Variants in SDC2 observed in about 807,000 individuals in gnomAD.
SDC2 encodes syndecan-2.
SDC2 carries 13 observed loss-of-function variants against 22.2 expected under a neutral mutation model. The observed-to-expected ratio is 0.59, with a 90% CI of 0.38 to 0.93. The LOEUF is 0.93. SDC2 is among the 40% of genes least tolerant of loss of function. The pLI is 0.00. For missense variants in SDC2, 235 were observed against 246.8 expected (o/e 0.95, Z 0.32); for synonymous variants, 94 against 92.8 (o/e 1.01, Z -0.07).
intron 1 of SDC2, among the ~76,000 whole-genome samples, chr8:96,543,326 C>T (rs1334495111): frequency 6.6e-6 from 1 of 151,988 alleles, no homozygotes; most frequent in African/African-American, 2.4e-5. Context: ...GTTTAAAATC[C>T]TGTTTTTATT....
At chr8:96,572,656 T>C (rs1216073808) in intron 1 of SDC2, among the ~76,000 whole-genome samples, 1 of 152,122 alleles carries the variant, frequency 6.6e-6, no homozygotes. Flanking sequence ...AAACCAGAAA[T>C]CTGTGCCCAG....
chr8:96,505,219 G>C (rs73271660), intron 1 of SDC2, among the ~76,000 whole-genome samples: 185 of 152,286 alleles, frequency 1.2e-3, no homozygotes, highest in African/African-American at 4.4e-3. Flanking sequence ...TGGAAATTTA[G>C]TTAAGACTGG....
rs1409899337 is a variant in SDC2, at chr8:96,493,924, C to G, written c.-348C>G. 3.2e-6 allele frequency: 1 copy of G among 313,044 alleles called. No homozygotes were observed. Among genetic ancestry groups the G allele is most frequent in the Non-Finnish European group, 5.8e-6 (1 of 171,236 alleles). The allele number at this position is 313,044 out of a possible 1,614,324, so 19.4% of individuals were successfully genotyped here. On this transcript the variant is annotated 5_prime_UTR_variant, in exon 1 of 5. Transcript: ENST00000302190. ...CGAATTTATTCCTTAAAACCAGAAA[C>G]TGAACCTCGGCACGGGAAAGGAGTC...
intron 1 of SDC2, among the ~76,000 whole-genome samples, chr8:96,496,025 T>C (rs1458469042): frequency 6.6e-6 from 1 of 152,232 alleles, no homozygotes; most frequent in East Asian, 1.9e-4. Flanking sequence ...GTTGCTCCTC[T>C]TGTTGCAAAA....
chr8:96,519,069 G>T (rs1301693958), intron 1 of SDC2, among the ~76,000 whole-genome samples: 2 of 152,076 alleles, frequency 1.3e-5, no homozygotes, highest in Non-Finnish European at 2.9e-5. Context: ...GAGCCCTTGC[G>T]TGACAATTTT....
intron 1 of SDC2, among the ~76,000 whole-genome samples, chr8:96,532,584 A>G (rs1813682678): frequency 6.6e-6 from 1 of 152,096 alleles, no homozygotes; most frequent in African/African-American, 2.4e-5. Context: ...TTCCAACTTT[A>G]GACATTAGAC....
At chr8:96,499,316 G>T (rs1439878815) in intron 1 of SDC2, among the ~76,000 whole-genome samples, 1 of 152,184 alleles carries the variant, frequency 6.6e-6, no homozygotes, top group East Asian at 1.9e-4. Flanking sequence ...CAGATTTCAG[G>T]CCTCCTCTCA....
Position 96,593,483 on chromosome 8 carries a change from G to A in SDC2, c.64G>A (p.Ala22Thr), listed in dbSNP as rs1421427240. Residue 22 changes from alanine (A) to threonine (T), a missense_variant, in exon 2 of 5, where the codon GCA becomes ACA. Coordinates refer to ENST00000302190, the MANE Select transcript of SDC2 (RefSeq NM_002998.4). ...TCCCTTGTCTTTCCTTTCTCAGAGA[G>A]CAGAGCTGACATCTGATAAAGACAT... ...LVACVSAESR[A>T]ELTSDKDMYL... is the part of the protein sequence containing the mutation. 6.2e-7 allele frequency: 1 copy of A among 1,606,632 alleles called. No individual in the cohort carries two copies. The highest frequency in any genetic ancestry group is 1.7e-5 in the Admixed American group (1 of 59,996).
intron 1 of SDC2, among the ~76,000 whole-genome samples, chr8:96,556,863 G>A (rs1389570137): frequency 1.9e-4 from 29 of 151,610 alleles, no homozygotes; most frequent in Admixed American, 5.2e-4. Flanking sequence ...GAAAATTTTT[G>A]CAACCTACTC....
chr8:96,582,201 T>G (rs1287610574), intron 1 of SDC2, among the ~76,000 whole-genome samples: 1 of 152,232 alleles, frequency 6.6e-6, no homozygotes, highest in African/African-American at 2.4e-5. Context: ...GCCATTATCA[T>G]TTATTTTACT....
At chr8:96,587,411 G>A (rs1814705140) in intron 1 of SDC2, among the ~76,000 whole-genome samples, 1 of 152,192 alleles carries the variant, frequency 6.6e-6, no homozygotes, top group Non-Finnish European at 1.5e-5. Flanking sequence ...GTAAGTGCTA[G>A]TAAAGACAAC....
At chr8:96,592,348 T>C (rs1563673991) in intron 1 of SDC2, among the ~76,000 whole-genome samples, 1 of 152,190 alleles carries the variant, frequency 6.6e-6, no homozygotes, top group Non-Finnish European at 1.5e-5. Flanking sequence ...AAAATTTTAT[T>C]TTAAGATTAA....
chr8:96,554,115 C>A (rs1814071008), intron 1 of SDC2, among the ~76,000 whole-genome samples: 2 of 152,070 alleles, frequency 1.3e-5, no homozygotes, highest in Non-Finnish European at 2.9e-5. Context: ...GATTCTTAAT[C>A]TGTCTGTCTG....
At chr8:96,513,656 A>G (rs1463702140) in intron 1 of SDC2, among the ~76,000 whole-genome samples, 1 of 152,182 alleles carries the variant, frequency 6.6e-6, no homozygotes. Context: ...ATCATCATCT[A>G]ATAAGCATGA....
chr8:96,524,553 C>T (rs115270524), intron 1 of SDC2, among the ~76,000 whole-genome samples: 5,269 of 152,172 alleles, frequency 0.035, 310 homozygotes, highest in African/African-American at 0.11. Flanking sequence ...GTTATGACTT[C>T]CTAAAAGTTG....
At chr8:96,570,570 C>G (rs535434958) in intron 1 of SDC2, among the ~76,000 whole-genome samples, 1 of 152,102 alleles carries the variant, frequency 6.6e-6, no homozygotes, top group Non-Finnish European at 1.5e-5. Context: ...GAAAATAAAA[C>G]AAGCCAATGA....
At chr8:96,542,448 A>T (rs1813865981) in intron 1 of SDC2, among the ~76,000 whole-genome samples, 1 of 152,174 alleles carries the variant, frequency 6.6e-6, no homozygotes, top group Non-Finnish European at 1.5e-5. Context: ...TGACATGGCT[A>T]ATGCCTATTT....
At chr8:96,526,108 C>G (rs759696527) in intron 1 of SDC2, among the ~76,000 whole-genome samples, 4 of 152,066 alleles carry the variant, frequency 2.6e-5, no homozygotes, top group Non-Finnish European at 5.9e-5. Flanking sequence ...GGTGCAGGGC[C>G]AGGTATGTTT....
intron 1 of SDC2, among the ~76,000 whole-genome samples, chr8:96,526,406 G>A (rs1813578981): frequency 6.6e-6 from 1 of 151,762 alleles, no homozygotes; most frequent in Non-Finnish European, 1.5e-5. Flanking sequence ...TTCTTGTTAT[G>A]TGGCATATTT....
Sources: allele counts gnomAD v4.1 joint callset (sites outside exome capture counted in the v4.1 genomes callset), GRCh38; gene constraint gnomAD v4.1.1; transcripts MANE v1.5; gene names NCBI Gene and HGNC (gene_info 2026-07-23, HGNC 2026-07-21).